The following NBEA variants were observed in gnomAD, a reference collection of about 807,000 sequenced individuals.
NBEA encodes the protein lysosomal-trafficking regulator 2.
NBEA carries 44 observed loss-of-function variants against 343.4 expected under a neutral mutation model. That is an observed-to-expected ratio of 0.13 (90% confidence interval 0.10 to 0.16). NBEA has a LOEUF of 0.16. NBEA is among the 10% of genes least tolerant of loss of function. NBEA has a pLI of 1.00. For missense variants in NBEA, 2,555 were observed against 3,631.3 expected, an observed-to-expected ratio of 0.70 and a Z score of 7.62; for synonymous variants, 1,175 against 1,238.7, an observed-to-expected ratio of 0.95 and a Z score of 1.08.
At chr13:35,291,131 C>T (rs1455911117) in intron 35 of NBEA, among the ~76,000 whole-genome samples, 1 of 151,732 alleles carries the variant, frequency 6.6e-6, no homozygotes, top group Non-Finnish European at 1.5e-5. Context: ...TCCTAGCAGT[C>T]CTGATTATCC....
chr13:35,509,087 C>T (rs926368096), intron 41 of NBEA, among the ~76,000 whole-genome samples: 14 of 152,182 alleles, frequency 9.2e-5, no homozygotes, highest in Non-Finnish European at 8.8e-5. Context: ...TTTATAATGG[C>T]GGATGCCATT....
intron 1 of NBEA, among the ~76,000 whole-genome samples, chr13:34,991,938 G>C (rs921054995): frequency 2.0e-5 from 3 of 148,152 alleles, no homozygotes; most frequent in African/African-American, 7.4e-5. Flanking sequence ...AATTGGAATT[G>C]ACAGCATTTA....
At chr13:35,642,162 A>C (rs930061949) in intron 49 of NBEA, among the ~76,000 whole-genome samples, 6 of 152,162 alleles carry the variant, frequency 3.9e-5, no homozygotes, top group African/African-American at 9.7e-5. Flanking sequence ...CCTATTACCT[A>C]TGCTGGCTTT....
At chr13:35,042,895 G>T (rs2062706661) in intron 2 of NBEA, among the ~76,000 whole-genome samples, 1 of 151,760 alleles carries the variant, frequency 6.6e-6, no homozygotes, top group Non-Finnish European at 1.5e-5. Flanking sequence ...ATTGTAGTAT[G>T]TTAAATTCAA....
At chr13:34,967,744 A>C (rs572989918) in intron 1 of NBEA, among the ~76,000 whole-genome samples, 1 of 152,212 alleles carries the variant, frequency 6.6e-6, no homozygotes, top group Admixed American at 6.6e-5. Context: ...CTGCAGTTGT[A>C]GTGGAAAGGC....
At chr13:35,395,893 T>C (rs1230106809) in intron 38 of NBEA, among the ~76,000 whole-genome samples, 1 of 152,192 alleles carries the variant, frequency 6.6e-6, no homozygotes, top group Non-Finnish European at 1.5e-5. Flanking sequence ...TATCCCTCCT[T>C]ATTTCTGGTA....
intron 33 of NBEA, among the ~76,000 whole-genome samples, chr13:35,211,906 C>G (rs1301162294): frequency 5.9e-5 from 9 of 152,096 alleles, no homozygotes; most frequent in Admixed American, 5.2e-4. Context: ...ATCATTGGAA[C>G]TTGAATAAGC....
intron 1 of NBEA, among the ~76,000 whole-genome samples, chr13:34,985,594 G>A (rs2060515623): frequency 6.6e-6 from 1 of 150,920 alleles, no homozygotes; most frequent in African/African-American, 2.4e-5. Flanking sequence ...CTATTAATTG[G>A]AATAGTTTCA....
intron 20 of NBEA, among the ~76,000 whole-genome samples, chr13:35,156,637 G>A (rs1406952556): frequency 6.6e-6 from 1 of 152,064 alleles, no homozygotes; most frequent in Non-Finnish European, 1.5e-5. Context: ...CATGAACTCT[G>A]GGGTAGTCAT....
chr13:35,351,815 A>G lies in NBEA; in HGVS notation c.6013-342A>G, dbSNP rs568457138. Among the ~76,000 whole-genome samples, 6 of 152,112 alleles carry G rather than the reference A, an allele frequency of 3.9e-5. No individual in the cohort carries two copies. In the South Asian group the frequency reaches 1.0e-3, roughly 26 times the overall value. On this transcript the variant is annotated intron_variant, in intron 37 of 58. Transcript: ENST00000379939. Reference sequence around the variant, plus strand: ...TATCAGGAACATACCTCTTATTTTAAGTGAGATATACTATATTGGCTTGAT... The same window carrying G: ...TATCAGGAACATACCTCTTATTTTAGGTGAGATATACTATATTGGCTTGAT...
At chr13:35,182,594 T>C (rs1184107749) in intron 29 of NBEA, 66 bp downstream of exon 29, 1 of 1,438,350 alleles carries the variant, frequency 7.0e-7, no homozygotes, top group East Asian at 2.5e-5. Flanking sequence ...CACCTTTACA[T>C]CTAGATTTAA....
chr13:35,571,360 G>A (rs1276691861), intron 45 of NBEA, among the ~76,000 whole-genome samples: 1 of 152,172 alleles, frequency 6.6e-6, no homozygotes, highest in Non-Finnish European at 1.5e-5. Flanking sequence ...GTGGGAATTG[G>A]GAGAAAAAGT....
chr13:35,182,485 A>G lies in NBEA; in HGVS notation c.4788A>G (p.Pro1596=), dbSNP rs768701263. The G allele has an allele frequency of 6.2e-7, 1 of 1,610,448 alleles. No homozygotes were observed. Among genetic ancestry groups the G allele is most frequent in the South Asian group, 1.1e-5 (1 of 90,990 alleles). ...AGACTACAAGAACTGGAAGCCAACC[A>G]GGTAGAAACATCAGGCAAGAAATAA... ...QRETTRTGSQ[P]GRNIRQEINS... is the part of the protein sequence containing the mutation. The change falls in exon 29 of 59, where the codon CCA becomes CCG. Residue 1596 remains proline (P), a synonymous_variant. Coordinates refer to ENST00000379939, the MANE Select transcript of NBEA (RefSeq NM_001385012.1).
chr13:35,519,213 T>C (rs1049639454), intron 41 of NBEA, among the ~76,000 whole-genome samples: 2 of 152,206 alleles, frequency 1.3e-5, no homozygotes, highest in African/African-American at 4.8e-5. Context: ...TTCTTTGTTT[T>C]GGGGAAAAGT....
chr13:35,323,833 T>C (rs1202843299), intron 36 of NBEA, among the ~76,000 whole-genome samples: 2 of 152,154 alleles, frequency 1.3e-5, no homozygotes, highest in African/African-American at 4.8e-5. Context: ...AACATAACAA[T>C]TTAAAAGTGA....
chr13:35,319,350 AT>A (rs1286276283), intron 36 of NBEA, among the ~76,000 whole-genome samples: 1 of 151,996 alleles, frequency 6.6e-6, no homozygotes, highest in Non-Finnish European at 1.5e-5. Flanking sequence ...TCATTTCGTT[AT>A]TTACCTGGTA....
intron 1 of NBEA, among the ~76,000 whole-genome samples, chr13:35,009,897 T>G (rs1053636721): frequency 6.6e-6 from 1 of 152,126 alleles, no homozygotes; most frequent in African/African-American, 2.4e-5. Flanking sequence ...GCTAGACATT[T>G]GAATGTGGGG....
chr13:35,401,111 T>C (rs1231883095), intron 38 of NBEA, among the ~76,000 whole-genome samples: 1 of 152,038 alleles, frequency 6.6e-6, no homozygotes, highest in African/African-American at 2.4e-5. Flanking sequence ...TCCACATTAC[T>C]GTAAGATTTT....
chr13:35,455,024 T>C (rs2046496431), intron 40 of NBEA, among the ~76,000 whole-genome samples: 1 of 152,118 alleles, frequency 6.6e-6, no homozygotes, highest in African/African-American at 2.4e-5. Flanking sequence ...CACAGGTTTA[T>C]CTTTTCATGA....
Sources: gnomAD v4.1 joint callset for allele counts (sites outside exome capture counted in the v4.1 genomes callset) on GRCh38, gnomAD v4.1.1 for gene constraint, MANE v1.5 for transcripts, NCBI Gene and HGNC (gene_info 2026-07-23, HGNC 2026-07-21) for gene names.